NAALADL2: variants seen among roughly 807,000 people sequenced by gnomAD.
NAALADL2 encodes the protein N-acetylated alpha-linked acidic dipeptidase like 2.
In NAALADL2, 76 loss-of-function variants were observed where a neutral mutation model predicts 87.2. That is an observed-to-expected ratio of 0.87 (90% CI 0.72 to 1.05). The LOEUF (loss-of-function observed/expected upper bound fraction) is 1.05. Ranked by LOEUF, NAALADL2 falls within the 50% of genes least tolerant of loss-of-function variation. NAALADL2 has a pLI of 0.00. For synonymous variants in NAALADL2, 354 were observed against 331.0 expected (o/e 1.07, Z -0.75); for missense variants, 1,089 against 945.8 (o/e 1.15, Z -1.99).
chr3:175,440,726 A>G (rs1005163415), intron 5 of NAALADL2, among the ~76,000 whole-genome samples: 2 of 152,078 alleles, frequency 1.3e-5, no homozygotes, highest in African/African-American at 2.4e-5. Context: ...ATTTGTGTAC[A>G]TTTATTTTTT....
chr3:174,995,490 G>A (rs77541123), intron 1 of NAALADL2, among the ~76,000 whole-genome samples: 4,096 of 152,188 alleles, frequency 0.027, 173 homozygotes, highest in African/African-American at 0.093. Context: ...TTCACTTAGG[G>A]AGAGGTATTT....
intron 2 of NAALADL2, among the ~76,000 whole-genome samples, chr3:174,729,316 A>G (rs1337154985): frequency 2.6e-5 from 4 of 152,068 alleles, no homozygotes; most frequent in African/African-American, 9.7e-5. Flanking sequence ...ATAAAAGGTC[A>G]AGAGGCAGAT....
intron 3 of NAALADL2, among the ~76,000 whole-genome samples, chr3:174,748,204 A>C (rs1734465247): frequency 6.6e-6 from 1 of 152,134 alleles, no homozygotes; most frequent in Non-Finnish European, 1.5e-5. Flanking sequence ...TGGCTAATAC[A>C]TACAGGGCAT....
At chr3:175,281,126 A>G (rs1019642092) in intron 4 of NAALADL2, among the ~76,000 whole-genome samples, 1 of 150,530 alleles carries the variant, frequency 6.6e-6, no homozygotes, top group African/African-American at 2.4e-5. Context: ...AAAAATATAT[A>G]TATATATAAA....
At chr3:174,455,425 C>T (rs1031744622) in intron 1 of NAALADL2, among the ~76,000 whole-genome samples, 2 of 152,006 alleles carry the variant, frequency 1.3e-5, no homozygotes, top group African/African-American at 4.8e-5. Context: ...GAGACACACA[C>T]AGAAAAGCCT....
At chr3:174,756,092 CA>C (rs1347171072) in intron 3 of NAALADL2, among the ~76,000 whole-genome samples, 1 of 152,170 alleles carries the variant, frequency 6.6e-6, no homozygotes, top group African/African-American at 2.4e-5. Flanking sequence ...TTAGGGGCTC[CA>C]CTAAGAATTT....
chr3:175,299,038 AAC>A (rs1168900468), intron 4 of NAALADL2, among the ~76,000 whole-genome samples: 3 of 152,082 alleles, frequency 2.0e-5, no homozygotes, highest in Non-Finnish European at 2.9e-5. Flanking sequence ...GAAAATGCGG[AAC>A]AACTTAAATA....
chr3:174,719,977 T>G (rs1355981923), intron 2 of NAALADL2, among the ~76,000 whole-genome samples: 1 of 152,118 alleles, frequency 6.6e-6, no homozygotes, highest in Non-Finnish European at 1.5e-5. Context: ...AATTTTTGTA[T>G]TTTTAGTAGA....
intron 2 of NAALADL2, among the ~76,000 whole-genome samples, chr3:174,606,739 A>G (rs1213004235): frequency 6.6e-6 from 1 of 152,052 alleles, no homozygotes. Context: ...AAGTTGGAAA[A>G]CCCTCTGCAG....
chr3:175,089,946 A>T (rs542642913), intron 1 of NAALADL2, among the ~76,000 whole-genome samples: 33 of 151,920 alleles, frequency 2.2e-4, no homozygotes, highest in African/African-American at 4.8e-4. Flanking sequence ...GAATATTAAA[A>T]TTTTTTCTCC....
In NAALADL2 at chr3:175,291,416, T is replaced by C. The variant is rs139348207; in HGVS notation, c.940-32759T>C. Among the ~76,000 whole-genome samples, 51 of 152,288 alleles carry C rather than the reference T, an allele frequency of 3.3e-4. No homozygotes were observed. In the East Asian group the frequency reaches 8.9e-3, roughly 26 times the overall value. Reference sequence around the variant, plus strand: ...TCTTGTGGTTTGATTTACTGAAAGATAAGCTTTACCAAGTAATTAGACATT... The same window carrying C: ...TCTTGTGGTTTGATTTACTGAAAGACAAGCTTTACCAAGTAATTAGACATT... On this transcript the variant is annotated intron_variant, in intron 4 of 13. Transcript: ENST00000454872.
intron 4 of NAALADL2, among the ~76,000 whole-genome samples, chr3:175,292,893 C>T (rs1304234210): frequency 6.6e-6 from 1 of 151,658 alleles, no homozygotes; most frequent in South Asian, 2.1e-4. Context: ...AAAAATAAGC[C>T]GGGCTTGGTG....
chr3:174,907,200 C>T (rs1180766555), intron 1 of NAALADL2, among the ~76,000 whole-genome samples: 1 of 151,946 alleles, frequency 6.6e-6, no homozygotes, highest in Non-Finnish European at 1.5e-5. Flanking sequence ...AATACTAGCA[C>T]TGGAATGTAT....
At chr3:174,863,536 A>AT (rs1317288467) in intron 1 of NAALADL2, among the ~76,000 whole-genome samples, 2 of 146,792 alleles carry the variant, frequency 1.4e-5, no homozygotes, top group African/African-American at 4.9e-5. Flanking sequence ...TAATAGAGTC[A>AT]TTGTTTAGAA....
intron 3 of NAALADL2, among the ~76,000 whole-genome samples, chr3:174,749,078 C>T (rs1243871929): frequency 2.0e-5 from 3 of 152,150 alleles, no homozygotes; most frequent in Non-Finnish European, 4.4e-5. Flanking sequence ...GGACTTATAA[C>T]ATTTAATCTC....
intron 1 of NAALADL2, among the ~76,000 whole-genome samples, chr3:175,004,758 A>T (rs1309599191): frequency 1.3e-5 from 2 of 152,136 alleles, no homozygotes; most frequent in African/African-American, 4.8e-5. Flanking sequence ...TAAAATATTG[A>T]TATCATTATC....
rs536455088 is a variant in NAALADL2 at position 175,673,610 on chromosome 3, G to A, written c.1896+46224G>A. 8.8e-4 allele frequency among the ~76,000 whole-genome samples: 134 copies of A among 151,754 alleles called. 1 individual carries two copies. Among genetic ancestry groups the A allele is most frequent in the African/African-American group, 3.2e-3 (131 of 41,408 alleles). ...TTAATGTGCTTTTTTTCAATTATAAGGTATTCAGAAGATTCAGAATTCTAA... is the reference window on the plus strand; with the variant it reads ...TTAATGTGCTTTTTTTCAATTATAAAGTATTCAGAAGATTCAGAATTCTAA... On this transcript the variant is annotated intron_variant, in intron 11 of 13. Coordinates refer to ENST00000454872, the MANE Select transcript of NAALADL2 (RefSeq NM_207015.3).
chr3:174,998,728 G>A (rs1747857805), intron 1 of NAALADL2, among the ~76,000 whole-genome samples: 1 of 152,048 alleles, frequency 6.6e-6, no homozygotes, highest in South Asian at 2.1e-4. Flanking sequence ...CTCATCTTAG[G>A]CCAGAATTTT....
At chr3:175,618,956 G>A (rs1725762609) in intron 10 of NAALADL2, among the ~76,000 whole-genome samples, 1 of 152,190 alleles carries the variant, frequency 6.6e-6, no homozygotes, top group Non-Finnish European at 1.5e-5. Flanking sequence ...CACCTGGGCT[G>A]TGCCCTAGCC....
Sources: gnomAD v4.1 joint callset for allele counts (sites outside exome capture counted in the v4.1 genomes callset) on GRCh38, gnomAD v4.1.1 for gene constraint, MANE v1.5 for transcripts, NCBI Gene and HGNC (gene_info 2026-07-23, HGNC 2026-07-21) for gene names.